The following MYO9B variants were observed in gnomAD, a reference collection of about 807,000 sequenced individuals.
MYO9B encodes unconventional myosin-IXb.
Under a neutral mutation model 229.5 loss-of-function variants are expected in MYO9B, and 71 were observed. The observed-to-expected ratio is 0.31, with a 90% CI of 0.26 to 0.38. The LOEUF is 0.38. Among genes scored for constraint, MYO9B ranks in the 10% least tolerant of loss-of-function variants. The probability of loss-of-function intolerance (pLI) is 1.00; values close to 1 mark genes in which losing one functional copy is unlikely to be tolerated. For missense variants in MYO9B, 2,255 were observed against 2,920.5 expected (o/e 0.77, Z 5.25); for synonymous variants, 1,185 against 1,235.8 (o/e 0.96, Z 0.86).
At chr19:17,164,512 C>A (rs2072638470) in intron 10 of MYO9B, among the ~76,000 whole-genome samples, 1 of 151,964 alleles carries the variant, frequency 6.6e-6, no homozygotes, top group Non-Finnish European at 1.5e-5. Context: ...TCCCGAGTAG[C>A]TGGGACTACA....
Position 17,202,865 on chromosome 19 carries a change from G to GAAT in MYO9B, c.4860_4861insAAT (p.Lys1620_Arg1621insAsn), listed in dbSNP as rs1568300890. On this transcript the variant is annotated inframe_insertion, in exon 29 of 40. Transcript: ENST00000682292. ...AGCAGAGCAAAGCTCAGAAGAAGAA[G>GAAT]CGGAAGCAGGAGCGTGCTGTGAGTA... 3.1e-6 allele frequency: 5 copies of GAAT among 1,602,136 alleles called. No individual in the cohort carries two copies. Among genetic ancestry groups the GAAT allele is most frequent in the Admixed American group, 1.7e-5 (1 of 58,048 alleles).
At chr19:17,144,987 A>AAAAAG (rs1568272491) in intron 2 of MYO9B, among the ~76,000 whole-genome samples, 31 of 137,066 alleles carry the variant, frequency 2.3e-4, no homozygotes, top group African/African-American at 3.7e-4. Context: ...AAAAAAAAAA[A>AAAAAG]AAAAGAAAAA....
At chr19:17,080,805 G>A (rs1450588975) in intron 1 of MYO9B, among the ~76,000 whole-genome samples, 1 of 151,906 alleles carries the variant, frequency 6.6e-6, no homozygotes, top group East Asian at 1.9e-4. Context: ...GGAGTTTGAG[G>A]CTACAGTGAG....
In MYO9B at chr19:17,200,625, C is replaced by G; in HGVS notation, c.4373-14C>G. 1.2e-6 allele frequency: 2 copies of G among 1,604,890 alleles called. No individual in the cohort carries two copies. The highest frequency in any genetic ancestry group is 1.7e-6 in the Non-Finnish European group (2 of 1,175,372). ...TGAACCCACCCTCACCGGCTGCTTC[C>G]TGTCCCCCCTCAGCCCCCTCCGGAC... On this transcript the variant is annotated splice_polypyrimidine_tract_variant and intron_variant, in intron 25 of 39. Transcript: ENST00000682292.
chr19:17,163,154 A>T (rs779620002), intron 10 of MYO9B, 32 bp downstream of exon 10: 1 of 1,543,882 alleles, frequency 6.5e-7, no homozygotes, highest in South Asian at 1.2e-5. Flanking sequence ...CAATTTTTTG[A>T]ACTTGGTAAA....
intron 2 of MYO9B, among the ~76,000 whole-genome samples, chr19:17,112,356 G>A (rs1357564946): frequency 2.0e-5 from 3 of 151,408 alleles, no homozygotes; most frequent in Non-Finnish European, 4.4e-5. Flanking sequence ...GGACGTCCAG[G>A]TACAGCAGGG....
At chr19:17,125,297 T>TCCCCC (rs67309597) in intron 2 of MYO9B, among the ~76,000 whole-genome samples, 3 of 99,734 alleles carry the variant, frequency 3.0e-5, no homozygotes, top group Non-Finnish European at 4.1e-5. Context: ...TAAAACCCCA[T>TCCCCC]CCCCCCCCCC....
chr19:17,210,917 G>A (rs1028996973), intron 38 of MYO9B, 69 bp downstream of exon 38: 3 of 1,551,322 alleles, frequency 1.9e-6, no homozygotes, highest in Non-Finnish European at 2.6e-6. Flanking sequence ...TTCCATCCCT[G>A]GTGGTCCGCT....
chr19:17,212,531 T>C lies in MYO9B; in HGVS notation c.*221T>C. ...GCAGCCCCCAAATCATGGACGCACC[T>C]GTGGGGAGCACCACATCTCCACCTG... On this transcript the variant is annotated 3_prime_UTR_variant, in exon 40 of 40. Transcript: ENST00000682292. This position sits in a 1 kb window ranked among gnomAD's most constrained non-coding sequence, Gnocchi z 5.4. The C allele has an allele frequency of 2.0e-6, 1 of 491,614 alleles. No homozygotes were observed. The highest frequency in any genetic ancestry group is 3.5e-6 in the Non-Finnish European group (1 of 282,878). The allele number at this position is 491,614 out of a possible 1,614,324, so 30.5% of individuals were successfully genotyped here.
intron 2 of MYO9B, among the ~76,000 whole-genome samples, chr19:17,144,539 T>C (rs1357288373): frequency 6.7e-6 from 1 of 149,484 alleles, no homozygotes; most frequent in African/African-American, 2.5e-5. Flanking sequence ...AGAGGTTGCA[T>C]TGAGCCAAGA....
At chr19:17,176,115 C>T (rs908363123) in intron 14 of MYO9B, among the ~76,000 whole-genome samples, 4 of 152,176 alleles carry the variant, frequency 2.6e-5, no homozygotes, top group South Asian at 4.1e-4. Context: ...CTGCAGGCTC[C>T]GCCTCGCAGG....
intron 38 of MYO9B, 52 bp from the exon 39 acceptor site, chr19:17,211,595 C>A: frequency 6.6e-7 from 1 of 1,513,184 alleles, no homozygotes; most frequent in Non-Finnish European, 9.0e-7. Context: ...TCCACACTGG[C>A]CCAGCACTTC....
chr19:17,204,623 C>T (rs1178256673), intron 30 of MYO9B, among the ~76,000 whole-genome samples: 3 of 151,582 alleles, frequency 2.0e-5, no homozygotes, highest in Non-Finnish European at 4.4e-5. Flanking sequence ...GCGGGAGGGT[C>T]GCTTGAACTC....
intron 22 of MYO9B, among the ~76,000 whole-genome samples, chr19:17,196,815 G>A (rs2073048326): frequency 6.6e-6 from 1 of 152,002 alleles, no homozygotes; most frequent in African/African-American, 2.4e-5. Flanking sequence ...TGGATGGCTG[G>A]GTGGGTGGAT....
At chr19:17,105,183 C>T (rs1219674355) in intron 2 of MYO9B, among the ~76,000 whole-genome samples, 1 of 151,836 alleles carries the variant, frequency 6.6e-6, no homozygotes, top group African/African-American at 2.4e-5. Context: ...TCACAACCAG[C>T]ATTTAAGGTT....
chr19:17,205,452 G>T, intron 31 of MYO9B, 116 bp downstream of exon 31: 1 of 953,052 alleles, frequency 1.0e-6, no homozygotes. Context: ...AGTAGGGGGC[G>T]GCTGTGGCCT....
intron 29 of MYO9B, 122 bp from the exon 30 acceptor site, chr19:17,203,025 G>A: frequency 7.4e-7 from 1 of 1,356,296 alleles, no homozygotes; most frequent in Non-Finnish European, 1.0e-6. Flanking sequence ...TTTTCCCCCG[G>A]CATATACGGA....
At chr19:17,147,870 T>C (rs1046698430) in intron 3 of MYO9B, among the ~76,000 whole-genome samples, 2 of 151,080 alleles carry the variant, frequency 1.3e-5, no homozygotes, top group African/African-American at 4.9e-5. Context: ...TTAGTAGAGA[T>C]GGGGTTTCTC....
chr19:17,180,380 G>T (rs1235330039), intron 14 of MYO9B, among the ~76,000 whole-genome samples: 3 of 105,828 alleles, frequency 2.8e-5, no homozygotes, highest in Non-Finnish European at 5.2e-5. Context: ...ACAGAGTCTC[G>T]CTCTGTCTCC....
Sources: allele counts gnomAD v4.1 joint callset (sites outside exome capture counted in the v4.1 genomes callset), GRCh38; gene constraint gnomAD v4.1.1; non-coding constraint Gnocchi (gnomAD v3.1); transcripts MANE v1.5; gene names NCBI Gene and HGNC (gene_info 2026-07-23, HGNC 2026-07-21).